The following TMEM163 variants were observed in gnomAD, a reference collection of about 807,000 sequenced individuals.
The protein encoded by TMEM163 is transmembrane protein 163.
TMEM163 carries 17 observed loss-of-function variants against 29.3 expected under a neutral mutation model. The ratio of observed to expected loss-of-function variants is 0.58; its 90% CI spans 0.40 to 0.87. TMEM163 has a LOEUF of 0.87. Among genes scored for constraint, TMEM163 ranks in the 40% least tolerant of loss-of-function variants. The pLI, the probability that TMEM163 is intolerant of heterozygous loss-of-function variation, is 0.00. For synonymous variants in TMEM163, 157 were observed against 160.6 expected, an observed-to-expected ratio of 0.98 and a Z score of 0.17; for missense variants, 303 against 381.5, an observed-to-expected ratio of 0.79 and a Z score of 1.71.
At chr2:134,577,330 T>C (rs1319093422) in intron 2 of TMEM163, among the ~76,000 whole-genome samples, 1 of 152,174 alleles carries the variant, frequency 6.6e-6, no homozygotes, top group African/African-American at 2.4e-5. Context: ...GAAACACCTA[T>C]ATCAGCCAAG....
chr2:134,523,812 A>AT (rs1013699203), intron 4 of TMEM163, among the ~76,000 whole-genome samples: 14 of 151,940 alleles, frequency 9.2e-5, no homozygotes, highest in African/African-American at 3.1e-4. Context: ...ACCTGAGGAG[A>AT]TTTTTACCCC....
intron 2 of TMEM163, among the ~76,000 whole-genome samples, chr2:134,690,474 C>G (rs1684441970): frequency 1.3e-5 from 2 of 152,046 alleles, no homozygotes; most frequent in South Asian, 2.1e-4. Flanking sequence ...TTAGTAGAGA[C>G]AGGGTTTCAC....
chr2:134,553,838 C>T (rs1680986304), intron 2 of TMEM163, among the ~76,000 whole-genome samples: 2 of 152,288 alleles, frequency 1.3e-5, no homozygotes, highest in South Asian at 4.1e-4. Flanking sequence ...AACTCACCAG[C>T]CATGCCAGCC....
intron 4 of TMEM163, among the ~76,000 whole-genome samples, chr2:134,523,248 G>A (rs1680224944): frequency 6.6e-6 from 1 of 152,106 alleles, no homozygotes; most frequent in African/African-American, 2.4e-5. Context: ...CTGCAGGTGG[G>A]GGTCGGAGCG....
At chr2:134,546,244 A>T (rs938687624) in intron 4 of TMEM163, among the ~76,000 whole-genome samples, 7 of 152,232 alleles carry the variant, frequency 4.6e-5, no homozygotes, top group Non-Finnish European at 1.0e-4. Context: ...TCTCAAAGAG[A>T]TATTTGCACA....
chr2:134,582,688 A>G (rs768858074), intron 2 of TMEM163, among the ~76,000 whole-genome samples: 7 of 152,202 alleles, frequency 4.6e-5, no homozygotes, highest in Non-Finnish European at 7.3e-5. Context: ...CTCAGTCATC[A>G]TAAGTGCTGT....
intron 5 of TMEM163, among the ~76,000 whole-genome samples, chr2:134,484,113 C>G (rs768943700): frequency 6.6e-6 from 1 of 152,112 alleles, no homozygotes; most frequent in Admixed American, 6.5e-5. Flanking sequence ...TGCACTCCAG[C>G]CTGGCTGACA....
At chr2:134,714,339 G>A (rs1684993608) in intron 1 of TMEM163, among the ~76,000 whole-genome samples, 1 of 152,216 alleles carries the variant, frequency 6.6e-6, no homozygotes, top group Non-Finnish European at 1.5e-5. Flanking sequence ...AGCCTCATCA[G>A]AGTAGCTCCA....
At chr2:134,477,387 A>G (rs1038188980) in intron 5 of TMEM163, among the ~76,000 whole-genome samples, 1 of 152,208 alleles carries the variant, frequency 6.6e-6, no homozygotes, top group African/African-American at 2.4e-5. Context: ...GTTGGAGTGA[A>G]TAAGAAGCAT....
At chr2:134,567,469 A>G (rs1016893476) in intron 2 of TMEM163, among the ~76,000 whole-genome samples, 4 of 152,122 alleles carry the variant, frequency 2.6e-5, no homozygotes, top group African/African-American at 9.7e-5. Context: ...AGGCGGGAGG[A>G]TCACCTGAGG....
chr2:134,624,473 G>C (rs1167726480), intron 2 of TMEM163, among the ~76,000 whole-genome samples: 2 of 152,154 alleles, frequency 1.3e-5, no homozygotes, highest in Non-Finnish European at 2.9e-5. Context: ...TGGGAGGAGG[G>C]AGAGGATCAA....
At chr2:134,494,810 G>A (rs533400196) in intron 5 of TMEM163, among the ~76,000 whole-genome samples, 4 of 152,298 alleles carry the variant, frequency 2.6e-5, no homozygotes, top group South Asian at 4.1e-4. Flanking sequence ...TGTCTCCTGG[G>A]CATCCTTAAC....
chr2:134,471,800 G>A (rs538728887), intron 5 of TMEM163, among the ~76,000 whole-genome samples: 1 of 152,292 alleles, frequency 6.6e-6, no homozygotes, highest in African/African-American at 2.4e-5. Flanking sequence ...TGCATAAACA[G>A]TTGGAGAGAG....
At chr2:134,615,290 C>T (rs138631634) in intron 2 of TMEM163, among the ~76,000 whole-genome samples, 72 of 152,304 alleles carry the variant, frequency 4.7e-4, no homozygotes, top group African/African-American at 1.7e-3. Flanking sequence ...CAAGAACAAA[C>T]ATCAAATTTA....
intron 2 of TMEM163, among the ~76,000 whole-genome samples, chr2:134,660,791 G>C (rs1444791715): frequency 1.3e-5 from 2 of 152,228 alleles, no homozygotes; most frequent in African/African-American, 2.4e-5. Context: ...TGGCATTGCT[G>C]AAGAGCTCAG....
At chr2:134,470,371 A>C (rs1032736311) in intron 5 of TMEM163, among the ~76,000 whole-genome samples, 8 of 151,362 alleles carry the variant, frequency 5.3e-5, no homozygotes, top group African/African-American at 1.7e-4. Context: ...AAAAAAAAAA[A>C]AACTTCATAC....
chr2:134,661,162 G>T (rs1574319319), intron 2 of TMEM163, among the ~76,000 whole-genome samples: 1 of 150,108 alleles, frequency 6.7e-6, no homozygotes, highest in African/African-American at 2.4e-5. Flanking sequence ...GCTCTTGCTT[G>T]CTCTCTCTCT....
intron 2 of TMEM163, among the ~76,000 whole-genome samples, chr2:134,614,720 G>T (rs1168827892): frequency 6.6e-6 from 1 of 152,104 alleles, no homozygotes; most frequent in African/African-American, 2.4e-5. Flanking sequence ...CAGGCTTGGT[G>T]CCACATGCCT....
At chr2:134,548,221 A>G (rs1455857529) in intron 4 of TMEM163, among the ~76,000 whole-genome samples, 1 of 152,248 alleles carries the variant, frequency 6.6e-6, no homozygotes, top group Non-Finnish European at 1.5e-5. Flanking sequence ...TTTAAAAGCT[A>G]AAGCAAAAAA....
Sources: allele counts gnomAD v4.1 joint callset (sites outside exome capture counted in the v4.1 genomes callset), GRCh38; gene constraint gnomAD v4.1.1; transcripts MANE v1.5; gene names NCBI Gene and HGNC (gene_info 2026-07-23, HGNC 2026-07-21).